PDE1C: variants seen among roughly 807,000 people sequenced by gnomAD.
PDE1C encodes the protein phosphodiesterase 1C.
Under a neutral mutation model 93.1 loss-of-function variants are expected in PDE1C, and 62 were observed. That is an observed-to-expected ratio of 0.67 (90% CI 0.54 to 0.82). The LOEUF (loss-of-function observed/expected upper bound fraction) is 0.82. Among genes scored for constraint, PDE1C ranks in the 40% least tolerant of loss-of-function variants. The pLI is 0.00. For missense variants in PDE1C, 742 were observed against 884.6 expected (o/e 0.84, Z 2.04); for synonymous variants, 325 against 310.1 (o/e 1.05, Z -0.50).
the PDE1C span, among the ~76,000 whole-genome samples, chr7:31,704,693 T>C: frequency 6.6e-6 from 1 of 152,210 alleles, no homozygotes; most frequent in Non-Finnish European, 1.5e-5. Flanking sequence ...CATCACACAC[T>C]GTGGAAGATA....
chr7:32,212,500 G>C (rs182678481), intron 1 of PDE1C, among the ~76,000 whole-genome samples: 32 of 152,274 alleles, frequency 2.1e-4, no homozygotes, highest in Non-Finnish European at 3.7e-4. Flanking sequence ...AGGGTCTCCC[G>C]TGATGCTGTA....
intron 1 of PDE1C, among the ~76,000 whole-genome samples, chr7:32,341,444 G>C: frequency 6.6e-6 from 1 of 151,652 alleles, no homozygotes; most frequent in South Asian, 2.1e-4. Flanking sequence ...CAAAGTGCTG[G>C]GATTACAGGC....
intron 17 of PDE1C, among the ~76,000 whole-genome samples, chr7:31,774,102 C>A (rs1444010989): frequency 6.6e-6 from 1 of 151,604 alleles, no homozygotes; most frequent in Non-Finnish European, 1.5e-5. Context: ...TCTAAAATGC[C>A]ACTAATTGTA....
chr7:32,042,427 T>TTGAGTTACCTCAGA (rs1791952460), intron 2 of PDE1C, among the ~76,000 whole-genome samples: 1 of 152,250 alleles, frequency 6.6e-6, no homozygotes, highest in Non-Finnish European at 1.5e-5. Flanking sequence ...GTCTGCTCAT[T>TTGAGTTACCTCAGA]TGAGTTACCT....
intron 1 of PDE1C, among the ~76,000 whole-genome samples, chr7:32,409,235 C>T (rs1339296535): frequency 6.6e-6 from 1 of 151,984 alleles, no homozygotes; most frequent in African/African-American, 2.4e-5. Flanking sequence ...GTGGCATGTG[C>T]CTGTAGTCCC....
At chr7:31,778,735 C>T (rs1368704184) in intron 16 of PDE1C, among the ~76,000 whole-genome samples, 1 of 152,148 alleles carries the variant, frequency 6.6e-6, no homozygotes, top group Admixed American at 6.5e-5. Flanking sequence ...TGCCATATTA[C>T]GTAGGCACCG....
the PDE1C span, chr7:31,687,342 T>A: frequency 6.6e-6 from 1 of 152,284 alleles, no homozygotes; most frequent in East Asian, 1.9e-4. Flanking sequence ...AGAACTTTTG[T>A]GGTGAGAAAA....
chr7:32,246,264 TG>T (rs1808945779), intron 1 of PDE1C, among the ~76,000 whole-genome samples: 1 of 152,128 alleles, frequency 6.6e-6, no homozygotes, highest in African/African-American at 2.4e-5. Flanking sequence ...CCACCATTCC[TG>T]GCCATTCGAC....
At chr7:32,179,075 T>C (rs769249515) in intron 2 of PDE1C, among the ~76,000 whole-genome samples, 2 of 152,198 alleles carry the variant, frequency 1.3e-5, no homozygotes, top group Non-Finnish European at 2.9e-5. Context: ...TGACCCAAAA[T>C]TCTCATTCTC....
intron 1 of PDE1C, among the ~76,000 whole-genome samples, chr7:32,319,454 C>T (rs1018518973): frequency 1.1e-5 from 1 of 91,950 alleles, no homozygotes; most frequent in African/African-American, 3.0e-5. Flanking sequence ...CAAGCCATCA[C>T]CGGAGAACCA....
chr7:31,801,556 GAT>G (rs1786043064), intron 16 of PDE1C, among the ~76,000 whole-genome samples: 1 of 151,422 alleles, frequency 6.6e-6, no homozygotes, highest in South Asian at 2.1e-4. Context: ...TTTCCTTGCT[GAT>G]TTTCATATCT....
chr7:31,725,563 T>C, the PDE1C span, among the ~76,000 whole-genome samples: 1 of 152,188 alleles, frequency 6.6e-6, no homozygotes. Flanking sequence ...TCCATTTGGT[T>C]CTAAGGACTG....
At chr7:31,981,539 T>C (rs1563139133) in intron 2 of PDE1C, among the ~76,000 whole-genome samples, 1 of 152,232 alleles carries the variant, frequency 6.6e-6, no homozygotes, top group Non-Finnish European at 1.5e-5. Context: ...TTTTCATCAT[T>C]AATATTTTTA....
intron 2 of PDE1C, among the ~76,000 whole-genome samples, chr7:32,178,729 A>G (rs139565218): frequency 4.0e-5 from 6 of 151,894 alleles, no homozygotes; most frequent in South Asian, 2.1e-4. Context: ...TGCCTATTAC[A>G]TTCTCCTTTC....
At chr7:31,676,518 A>T in the PDE1C span, among the ~76,000 whole-genome samples, 2 of 152,148 alleles carry the variant, frequency 1.3e-5, no homozygotes, top group Non-Finnish European at 2.9e-5. Flanking sequence ...AAATGAAAAC[A>T]TTGCATATCA....
At chr7:31,847,915 A>T (rs975917513) in intron 9 of PDE1C, 53 bp downstream of exon 9, 2 of 1,598,002 alleles carry the variant, frequency 1.3e-6, no homozygotes, top group Non-Finnish European at 8.6e-7. Context: ...TACTTCATCC[A>T]ACTTCAAAGT....
chr7:32,057,397 G>A (rs1204471248), intron 1 of PDE1C, among the ~76,000 whole-genome samples: 1 of 152,226 alleles, frequency 6.6e-6, no homozygotes. Context: ...GCATGTGTGT[G>A]TGTGCGTGCA....
At chr7:32,374,194 G>GAAGAAAGAAAGAA (rs752365240) in intron 1 of PDE1C, among the ~76,000 whole-genome samples, 24 of 137,390 alleles carry the variant, frequency 1.7e-4, no homozygotes, top group African/African-American at 7.3e-4. Context: ...AAGAAAGAAA[G>GAAGAAAGAAAGAA]AGAGGGAAAG....
intron 1 of PDE1C, among the ~76,000 whole-genome samples, chr7:32,361,012 T>C (rs1489819262): frequency 2.6e-5 from 4 of 152,314 alleles, no homozygotes; most frequent in Non-Finnish European, 4.4e-5. Flanking sequence ...AGCTCTATCC[T>C]ATTTTACAGG....
Sources: allele counts gnomAD v4.1 joint callset (sites outside exome capture counted in the v4.1 genomes callset), GRCh38; gene constraint gnomAD v4.1.1; transcripts MANE v1.5; gene names NCBI Gene and HGNC (gene_info 2026-07-23, HGNC 2026-07-21).